The following INTS7 variants were observed in gnomAD, a reference collection of about 807,000 sequenced individuals.
The protein encoded by INTS7 is integrator complex subunit 7.
INTS7 carries 46 observed loss-of-function variants against 109.2 expected under a neutral mutation model. That is an observed-to-expected ratio of 0.42 (90% CI 0.33 to 0.54). The LOEUF is 0.54. Among genes scored for constraint, INTS7 ranks in the 20% least tolerant of loss-of-function variants. The pLI is 0.07. For synonymous variants in INTS7, 412 were observed against 402.9 expected (o/e 1.02, Z -0.27); for missense variants, 929 against 1,132.4 (o/e 0.82, Z 2.58).
At chr1:212,010,022 G>A (rs1313287387) in intron 5 of INTS7, among the ~76,000 whole-genome samples, 1 of 152,232 alleles carries the variant, frequency 6.6e-6, no homozygotes, top group East Asian at 1.9e-4. Flanking sequence ...TCATGCCTTA[G>A]AAGGGCACAG....
intron 9 of INTS7, 111 bp downstream of exon 9, chr1:211,982,565 G>T: frequency 1.4e-6 from 1 of 728,334 alleles, no homozygotes; most frequent in Non-Finnish European, 2.2e-6. Context: ...GAGTCAATTT[G>T]TAGATCAAGG....
intron 17 of INTS7, among the ~76,000 whole-genome samples, chr1:211,948,483 G>T (rs1394803511): frequency 6.6e-6 from 1 of 152,198 alleles, no homozygotes; most frequent in Non-Finnish European, 1.5e-5. Context: ...GACCACAAGG[G>T]ACTTCAGGCT....
intron 7 of INTS7, among the ~76,000 whole-genome samples, chr1:212,004,636 T>C (rs1235034346): frequency 6.6e-6 from 1 of 152,170 alleles, no homozygotes; most frequent in East Asian, 1.9e-4. Context: ...CCAATCAAAC[T>C]GTTAAATTTG....
intron 4 of INTS7, among the ~76,000 whole-genome samples, chr1:212,014,618 G>A (rs550725286): frequency 1.5e-5 from 2 of 132,592 alleles, no homozygotes; most frequent in Admixed American, 8.0e-5. Context: ...CTGTGCTGCC[G>A]CCATCTCGGC....
chr1:212,029,763 T>C (rs568933649), intron 1 of INTS7, among the ~76,000 whole-genome samples: 18 of 152,288 alleles, frequency 1.2e-4, no homozygotes, highest in Middle Eastern at 3.4e-3. Context: ...TGATTCAAAA[T>C]TGAACCATAA....
At chr1:211,985,211 C>G (rs1664842058) in intron 8 of INTS7, among the ~76,000 whole-genome samples, 1 of 152,176 alleles carries the variant, frequency 6.6e-6, no homozygotes, top group East Asian at 1.9e-4. Flanking sequence ...AAATCCTTGC[C>G]AATCTGATGG....
chr1:212,008,518 C>T lies in INTS7; in HGVS notation c.557-1069G>A, dbSNP rs189435877. Among the ~76,000 whole-genome samples, 320 of 152,172 alleles carry T rather than the reference C, an allele frequency of 2.1e-3. 3 individuals are homozygous for T. The highest frequency in any genetic ancestry group is 3.9e-4 in the East Asian group (2 of 5,180). ...ATTCTCTTCTCATTCTATGTGTTTTCCCTGAGTGAGCTGATATAATCCCAT... is the reference window on the plus strand; with the variant it reads ...ATTCTCTTCTCATTCTATGTGTTTTTCCTGAGTGAGCTGATATAATCCCAT... On this transcript the variant is annotated intron_variant, in intron 5 of 19. Coordinates refer to ENST00000366994, the MANE Select transcript of INTS7 (RefSeq NM_015434.4).
chr1:211,968,785 A>G (rs952789756), intron 13 of INTS7, 78 bp from the exon 14 acceptor site: 4 of 1,155,820 alleles, frequency 3.5e-6, no homozygotes, highest in Non-Finnish European at 4.8e-6. Flanking sequence ...AGTATTTATC[A>G]GTTTGTGGTC....
chr1:212,022,782 T>C (rs1666765615), intron 1 of INTS7, among the ~76,000 whole-genome samples: 2 of 152,238 alleles, frequency 1.3e-5, no homozygotes, highest in African/African-American at 2.4e-5. Flanking sequence ...GGGGTACATG[T>C]GCAAGTTTGC....
At chr1:211,999,635 T>C (rs932345745) in intron 7 of INTS7, among the ~76,000 whole-genome samples, 1 of 152,128 alleles carries the variant, frequency 6.6e-6, no homozygotes, top group Non-Finnish European at 1.5e-5. Flanking sequence ...CATTTCAAAC[T>C]AATGGCAATG....
chr1:211,958,849 C>G (rs1191162937), intron 16 of INTS7, among the ~76,000 whole-genome samples: 2 of 152,054 alleles, frequency 1.3e-5, no homozygotes, highest in Non-Finnish European at 2.9e-5. Context: ...GCTGACTAGA[C>G]ACAGCCAGGT....
chr1:211,974,021 C>T (rs1485316195), intron 13 of INTS7, among the ~76,000 whole-genome samples: 1 of 151,946 alleles, frequency 6.6e-6, no homozygotes, highest in African/African-American at 2.4e-5. Context: ...ACATACCACA[C>T]AAATCATTAA....
intron 4 of INTS7, among the ~76,000 whole-genome samples, chr1:212,014,904 T>A (rs1291643003): frequency 6.6e-6 from 1 of 152,144 alleles, no homozygotes; most frequent in African/African-American, 2.4e-5. Flanking sequence ...AACCTCCACC[T>A]CCCAGCCGCC....
intron 5 of INTS7, among the ~76,000 whole-genome samples, chr1:212,007,886 A>T (rs1361043213): frequency 6.6e-6 from 1 of 152,232 alleles, no homozygotes; most frequent in Non-Finnish European, 1.5e-5. Flanking sequence ...AACTGTGTGT[A>T]GAATGGTTTC....
At chr1:211,979,537 A>T (rs1664561024) in intron 10 of INTS7, among the ~76,000 whole-genome samples, 1 of 152,222 alleles carries the variant, frequency 6.6e-6, no homozygotes, top group South Asian at 2.1e-4. Context: ...CATTCAAATA[A>T]CAATAATAAT....
At chr1:211,989,638 A>G (rs61828529) in intron 7 of INTS7, among the ~76,000 whole-genome samples, 13,057 of 152,044 alleles carry the variant, frequency 0.086, 629 homozygotes, top group South Asian at 0.16. Flanking sequence ...CCTGGCCAGC[A>G]TGGTGAAACC....
intron 3 of INTS7, 65 bp downstream of exon 3, chr1:212,020,057 G>T: frequency 8.9e-7 from 1 of 1,126,356 alleles, no homozygotes; most frequent in East Asian, 2.8e-5. Context: ...TAAATACACT[G>T]CCTTTTTTGT....
chr1:211,975,640 A>G (rs1664386748), intron 12 of INTS7, among the ~76,000 whole-genome samples: 1 of 152,250 alleles, frequency 6.6e-6, no homozygotes, highest in South Asian at 2.1e-4. Flanking sequence ...ACTATAAACC[A>G]AGTCTAGAAC....
chr1:211,976,483 CTTTATT>C, intron 12 of INTS7, 93 bp downstream of exon 12: 3 of 1,110,316 alleles, frequency 2.7e-6, no homozygotes, highest in Non-Finnish European at 3.8e-6. Context: ...GTACTTCCAT[CTTTATT>C]TTTAGTTTTG....
Sources: allele counts gnomAD v4.1 joint callset (sites outside exome capture counted in the v4.1 genomes callset), GRCh38; gene constraint gnomAD v4.1.1; transcripts MANE v1.5; gene names NCBI Gene and HGNC (gene_info 2026-07-23, HGNC 2026-07-21).